Variants in SLC25A48 observed in about 807,000 individuals in gnomAD.
SLC25A48 encodes CTC-321K16.1.
SLC25A48 carries 29 observed loss-of-function variants against 32.2 expected under a neutral mutation model. That is an observed-to-expected ratio of 0.90 (90% CI 0.67 to 1.23). The LOEUF (loss-of-function observed/expected upper bound fraction) is 1.23. Among genes scored for constraint, SLC25A48 ranks in the 50% most tolerant of loss-of-function variants. The pLI, the probability that SLC25A48 is intolerant of heterozygous loss-of-function variation, is 0.00. For synonymous variants in SLC25A48, 164 were observed against 172.3 expected, an observed-to-expected ratio of 0.95 and a Z score of 0.38; for missense variants, 399 against 422.7, an observed-to-expected ratio of 0.94 and a Z score of 0.49.
At chr5:135,590,254 G>C (rs1751486597) in intron 1 of SLC25A48, among the ~76,000 whole-genome samples, 2 of 152,180 alleles carry the variant, frequency 1.3e-5, no homozygotes, top group African/African-American at 2.4e-5. Flanking sequence ...CCAGGGAACT[G>C]GACCTCCCTC....
In SLC25A48 at chr5:135,762,956, G is replaced by C. The variant is rs143730513; in HGVS notation, c.-520-49567G>C. The stretch of plus-strand genomic sequence containing the variant: ...TGAGTAGGGGTAAGTGTGTGTGACA[G>C]TGTAAGAGTATGTGTGTGCATGTGT... On this transcript the variant is annotated intron_variant, in intron 3 of 10. Transcript: ENST00000646290. Among the ~76,000 whole-genome samples, 322 of 152,108 alleles carry C rather than the reference G, an allele frequency of 2.1e-3. 1 individual carries two copies. The highest frequency in any genetic ancestry group is 7.4e-3 in the African/African-American group (309 of 41,492).
intron 3 of SLC25A48, among the ~76,000 whole-genome samples, chr5:135,700,167 T>A (rs1294377833): frequency 6.7e-6 from 1 of 149,980 alleles, no homozygotes; most frequent in Non-Finnish European, 1.5e-5. Flanking sequence ...AGGTCAGGAG[T>A]TCGAGATCAG....
At chr5:135,835,292 T>C (rs17738826) in intron 1 of SLC25A48, 78,047 of 430,890 alleles carry the variant, frequency 0.18, 7,833 homozygotes, top group Middle Eastern at 0.22. Flanking sequence ...TGGCTGCTGA[T>C]CCCGGGGCGC....
chr5:135,737,795 C>T lies in SLC25A48; in HGVS notation c.-520-74728C>T, dbSNP rs115835818. On this transcript the variant is annotated intron_variant, in intron 3 of 10. Transcript: ENST00000646290. ...CCTCCGGGTCACTTTTTAACTTGCC[C>T]TGAATTAGTTTCTTGCCTTCCTCTT... is the stretch of plus-strand genomic sequence containing the variant. Among the ~76,000 whole-genome samples, 661 of 152,270 alleles carry T rather than the reference C, an allele frequency of 4.3e-3. 6 individuals are homozygous for T. The highest frequency in any genetic ancestry group is 0.016 in the African/African-American group (648 of 41,560).
At chr5:135,781,055 G>A (rs1201151666) in intron 3 of SLC25A48, among the ~76,000 whole-genome samples, 5 of 115,966 alleles carry the variant, frequency 4.3e-5, no homozygotes, top group East Asian at 4.3e-4. Flanking sequence ...TGCAGGGGGC[G>A]TACACCACCT....
intron 3 of SLC25A48, among the ~76,000 whole-genome samples, chr5:135,785,778 T>C (rs1397139954): frequency 6.9e-6 from 1 of 144,460 alleles, no homozygotes; most frequent in East Asian, 2.1e-4. Flanking sequence ...GCCCCATGGA[T>C]CGTAATATCC....
At chr5:135,792,543 C>T (rs1162751214) in intron 3 of SLC25A48, among the ~76,000 whole-genome samples, 1 of 151,658 alleles carries the variant, frequency 6.6e-6, no homozygotes, top group Admixed American at 6.6e-5. Context: ...TGTATACACT[C>T]TCTGGGATAT....
intron 3 of SLC25A48, among the ~76,000 whole-genome samples, chr5:135,779,819 G>C (rs1404825569): frequency 8.6e-6 from 1 of 116,822 alleles, no homozygotes; most frequent in Non-Finnish European, 2.1e-5. Context: ...TATCGCAAGG[G>C]GTGTACACCT....
intron 3 of SLC25A48, among the ~76,000 whole-genome samples, chr5:135,726,039 C>T (rs146888132): frequency 6.6e-6 from 1 of 152,322 alleles, no homozygotes; most frequent in African/African-American, 2.4e-5. Context: ...TCGAGGATCT[C>T]CCCGTGAAGA....
At chr5:135,777,029 A>G (rs2126616297) in intron 3 of SLC25A48, among the ~76,000 whole-genome samples, 1 of 151,606 alleles carries the variant, frequency 6.6e-6, no homozygotes, top group Non-Finnish European at 1.5e-5. Flanking sequence ...GTTTTTCCTA[A>G]TATCCAGGGG....
intron 3 of SLC25A48, among the ~76,000 whole-genome samples, chr5:135,741,342 G>A (rs1211943674): frequency 6.6e-6 from 1 of 152,178 alleles, no homozygotes; most frequent in Non-Finnish European, 1.5e-5. Context: ...ACTCATGTAA[G>A]GTCCAGCAAA....
intron 3 of SLC25A48, among the ~76,000 whole-genome samples, chr5:135,793,070 T>C (rs78942630): frequency 0.023 from 3,438 of 151,582 alleles, 56 homozygotes; most frequent in Non-Finnish European, 0.031. Context: ...ATATTATTTG[T>C]ATTATCCAGG....
At chr5:135,661,373 G>A (rs1410205958) in intron 3 of SLC25A48, among the ~76,000 whole-genome samples, 1 of 152,202 alleles carries the variant, frequency 6.6e-6, no homozygotes, top group African/African-American at 2.4e-5. Context: ...TAATGGGGTT[G>A]ACAACTGTGC....
chr5:135,869,866 T>C (rs6865122), intron 4 of SLC25A48, among the ~76,000 whole-genome samples: 20,279 of 152,112 alleles, frequency 0.13, 1,755 homozygotes, highest in African/African-American at 0.23. Flanking sequence ...CCATCTCCTG[T>C]CCACACTGAA....
intron 1 of SLC25A48, among the ~76,000 whole-genome samples, chr5:135,600,065 T>C (rs1374849987): frequency 6.6e-6 from 1 of 152,196 alleles, no homozygotes. Flanking sequence ...ACTTTTGCTG[T>C]GTTTGAGTTG....
intron 2 of SLC25A48, among the ~76,000 whole-genome samples, chr5:135,630,767 A>G (rs1752542673): frequency 6.6e-6 from 1 of 151,756 alleles, no homozygotes; most frequent in Non-Finnish European, 1.5e-5. Context: ...AAGCCTGGCT[A>G]ATTTTTGTAT....
chr5:135,657,073 A>G (rs886614602), intron 3 of SLC25A48, among the ~76,000 whole-genome samples: 3 of 152,148 alleles, frequency 2.0e-5, no homozygotes, highest in Admixed American at 6.5e-5. Context: ...CTCAATGGGC[A>G]TCTGAATGGG....
At chr5:135,701,580 C>T (rs773438046) in intron 3 of SLC25A48, among the ~76,000 whole-genome samples, 1 of 152,122 alleles carries the variant, frequency 6.6e-6, no homozygotes, top group Non-Finnish European at 1.5e-5. Context: ...TTAAGGTACA[C>T]AATAAAGGAC....
chr5:135,690,824 G>A (rs1476295469), intron 3 of SLC25A48, among the ~76,000 whole-genome samples: 1 of 152,228 alleles, frequency 6.6e-6, no homozygotes, highest in Admixed American at 6.5e-5. Context: ...GGAAGGCGGA[G>A]TGTGGGGCCC....
Sources: allele counts gnomAD v4.1 joint callset (sites outside exome capture counted in the v4.1 genomes callset), GRCh38; gene constraint gnomAD v4.1.1; transcripts MANE v1.5; gene names NCBI Gene and HGNC (gene_info 2026-07-23, HGNC 2026-07-21).